SIK2: variants seen among roughly 807,000 people sequenced by gnomAD.
The protein encoded by SIK2 is serine/threonine-protein kinase SIK2.
A neutral mutation model predicts 103.2 loss-of-function variants in SIK2; 29 were observed. That is an observed-to-expected ratio of 0.28 (90% CI 0.21 to 0.38). The LOEUF (loss-of-function observed/expected upper bound fraction) is 0.38. Ranked by LOEUF, SIK2 falls within the 10% of genes least tolerant of loss-of-function variation. SIK2 has a pLI of 1.00. For missense variants in SIK2, 879 were observed against 1,171.0 expected (o/e 0.75, Z 3.64); for synonymous variants, 412 against 446.1 (o/e 0.92, Z 0.96).
Position 111,688,933 on chromosome 11 carries a change from A to G in SIK2, c.478+771A>G, listed in dbSNP as rs139120217. Among the ~76,000 whole-genome samples the G allele has an allele frequency of 3.3e-5, 5 of 152,340 alleles. No homozygotes were observed. The highest frequency in any genetic ancestry group is 1.9e-4 in the East Asian group (1 of 5,188). The stretch of plus-strand genomic sequence containing the variant: ...GAAAAAATACAGTATGATAGTTGCA[A>G]TTTTAAAAGTATATACAAACTGCAT... On this transcript the variant is annotated intron_variant, in intron 4 of 14. Transcript: ENST00000304987. This position sits in a 1 kb window ranked among gnomAD's most constrained non-coding sequence, Gnocchi z 4.2.
At position 111,602,786 on chromosome 11, in the gene SIK2, C is replaced by T; in HGVS notation, c.135+88C>T. 7.2e-7 allele frequency: 1 copy of T among 1,393,266 alleles called. No homozygotes were observed. The highest frequency in any genetic ancestry group is 9.3e-7 in the Non-Finnish European group (1 of 1,076,516). The allele number at this position is 1,393,266 out of a possible 1,614,324, so 86.3% of individuals were successfully genotyped here. A position where few individuals can be genotyped will look rare whatever the true frequency, so the allele number is the denominator to read the frequency against. ...AGAGGGGCGGCCGCAGTGGTGGGACCGGGGAGACCCGAGAGGCCGCCTCAC... is the reference window on the plus strand; with the variant it reads ...AGAGGGGCGGCCGCAGTGGTGGGACTGGGGAGACCCGAGAGGCCGCCTCAC... On this transcript the variant is annotated intron_variant, in intron 1 of 14. Transcript: ENST00000304987. The surrounding 1 kb of genome is among the most constrained non-coding windows in gnomAD (Gnocchi z 4.5).
chr11:111,613,120 C>T (rs969203706), intron 1 of SIK2, among the ~76,000 whole-genome samples: 2 of 151,808 alleles, frequency 1.3e-5, no homozygotes, highest in Admixed American at 6.6e-5. Flanking sequence ...ATATTTTTCA[C>T]TTTTTCATTG....
chr11:111,698,221 G>C (rs1024976403), intron 4 of SIK2, among the ~76,000 whole-genome samples: 2 of 152,184 alleles, frequency 1.3e-5, no homozygotes, highest in Non-Finnish European at 2.9e-5. Flanking sequence ...AGCTTTCTTT[G>C]TGCTAGATTT....
intron 3 of SIK2, among the ~76,000 whole-genome samples, chr11:111,645,780 G>A (rs746553534): frequency 4.0e-5 from 6 of 151,152 alleles, no homozygotes; most frequent in Admixed American, 1.3e-4. Flanking sequence ...ATGCCATTGC[G>A]CCCTAGCCTG....
Position 111,658,007 on chromosome 11 carries a change from G to A in SIK2, c.317-29994G>A, listed in dbSNP as rs374844820. On this transcript the variant is annotated intron_variant, in intron 3 of 14. Transcript: ENST00000304987. The stretch of plus-strand genomic sequence containing the variant: ...TCCATAGGCGTGGAAGAGCTATTAA[G>A]AATATTTAAATAAAAAATGACCTTC... Among the ~76,000 whole-genome samples the A allele has an allele frequency of 1.4e-4, 22 of 152,090 alleles. No individual in the cohort carries two copies. The East Asian group carries it at 4.0e-3, about 28-fold the overall frequency.
At chr11:111,678,238 A>G (rs2135885903) in intron 3 of SIK2, among the ~76,000 whole-genome samples, 1 of 152,266 alleles carries the variant, frequency 6.6e-6, no homozygotes, top group Middle Eastern at 3.4e-3. Context: ...TTTCCAGTTG[A>G]TCATCCCTGT....
At chr11:111,693,757 C>A (rs764723847) in intron 4 of SIK2, among the ~76,000 whole-genome samples, 5 of 152,156 alleles carry the variant, frequency 3.3e-5, no homozygotes, top group Non-Finnish European at 7.3e-5. Context: ...ATTATTTACA[C>A]TTTCTAGGCC....
chr11:111,624,192 C>A (rs1004856529), intron 3 of SIK2, among the ~76,000 whole-genome samples: 1 of 152,188 alleles, frequency 6.6e-6, no homozygotes, highest in African/African-American at 2.4e-5. Context: ...ATATGCACTT[C>A]TATAGTTTTG....
rs1183638436 is a variant in SIK2 at position 111,705,388 on chromosome 11, C to T, written c.1101+249C>T. Among the ~76,000 whole-genome samples, 2 of 152,180 alleles carry T rather than the reference C, an allele frequency of 1.3e-5. No homozygotes were observed. Among genetic ancestry groups the T allele is most frequent in the African/African-American group, 2.4e-5 (1 of 41,436 alleles). ...AATGTTGAGAATTACTATCACTAGC[C>T]TTTACATTCAATTCCATTTAACAAA... On this transcript the variant is annotated intron_variant, in intron 8 of 14. Coordinates refer to ENST00000304987, the MANE Select transcript of SIK2 (RefSeq NM_015191.3). The surrounding 1 kb of genome is among the most constrained non-coding windows in gnomAD (Gnocchi z 4.3).
At position 111,727,095 on chromosome 11, in the gene SIK2, G is replaced by T; in HGVS notation, c.*2966G>T. ...CAGCATGTTAGCCCGACAGGAAGAG[G>T]GGGCCCACTTTCACATTCCCGGTGA... On this transcript the variant is annotated 3_prime_UTR_variant, in exon 15 of 15. Coordinates refer to ENST00000304987, the MANE Select transcript of SIK2 (RefSeq NM_015191.3). 1 of 1,578,486 alleles carries T rather than the reference G, an allele frequency of 6.3e-7. No homozygotes were observed. Among genetic ancestry groups the T allele is most frequent in the Non-Finnish European group, 8.7e-7 (1 of 1,148,832 alleles).
chr11:111,610,509 CAA>C (rs1477690508), intron 1 of SIK2, among the ~76,000 whole-genome samples: 1 of 148,526 alleles, frequency 6.7e-6, no homozygotes, highest in African/African-American at 2.5e-5. Context: ...AAAAAGATAA[CAA>C]ACAGTTTGAA....
intron 9 of SIK2, among the ~76,000 whole-genome samples, chr11:111,713,545 T>C (rs1389448858): frequency 6.6e-6 from 1 of 152,190 alleles, no homozygotes; most frequent in Non-Finnish European, 1.5e-5. Context: ...TTTCCTGTCT[T>C]TTTAGCCTCT....
chr11:111,675,238 G>C (rs1324480887), intron 3 of SIK2, among the ~76,000 whole-genome samples: 2 of 152,218 alleles, frequency 1.3e-5, no homozygotes, highest in Non-Finnish European at 2.9e-5. Flanking sequence ...CATAGGAGAT[G>C]AAATCAAAGC....
chr11:111,686,194 A>C (rs1220962938), intron 3 of SIK2, among the ~76,000 whole-genome samples: 1 of 152,216 alleles, frequency 6.6e-6, no homozygotes, highest in Non-Finnish European at 1.5e-5. Context: ...TAATCCCAGC[A>C]CTTTGGGAGG....
At chr11:111,643,476 A>AAG (rs1555027119) in intron 3 of SIK2, among the ~76,000 whole-genome samples, 165 of 152,140 alleles carry the variant, frequency 1.1e-3, no homozygotes, top group African/African-American at 3.8e-3. Context: ...AAAAAAAAAA[A>AAG]GTTAATTATA....
chr11:111,671,690 G>T, intron 3 of SIK2: 1 of 384,250 alleles, frequency 2.6e-6, no homozygotes, highest in South Asian at 2.4e-5. Flanking sequence ...AGCAGCTCCT[G>T]GATCTCCTTC....
rs560377861 is a variant in SIK2 at position 111,696,887 on chromosome 11, TC to T, written c.479-3992del. On this transcript the variant is annotated intron_variant, in intron 4 of 14. Coordinates refer to ENST00000304987, the MANE Select transcript of SIK2 (RefSeq NM_015191.3). The stretch of plus-strand genomic sequence containing the variant: ...TAAATCCTGCATTTTCACATTTCAT[TC>T]CCCCCCTACTCACCTCCCACTTCAC... Among the ~76,000 whole-genome samples the T allele has an allele frequency of 1.3e-3, 199 of 152,090 alleles. 2 individuals carry two copies. The highest frequency in any genetic ancestry group is 4.6e-3 in the African/African-American group (190 of 41,510).
chr11:111,722,680 T>C lies in SIK2; in HGVS notation c.2071T>C (p.Ser691Pro). The part of the protein sequence containing the change: ...QHRLQKPSLL[S>P]KAQNTCQLYC... ...GCTCTTCCAGAAGCCCAGCCTTCTG[T>C]CAAAGGCCCAGAACACCTGTCAGCT... The change falls in exon 14 of 15, where the codon TCA becomes CCA. Residue 691 changes from serine (S) to proline (P), a missense_variant. Ser to Pro is a moderately conservative substitution (Grantham distance 74). This residue lies in a region of SIK2 where 375 missense variants were observed against 416.3 expected (regional missense o/e 0.90). Coordinates refer to ENST00000304987, the MANE Select transcript of SIK2 (RefSeq NM_015191.3). This position sits in a 1 kb window ranked among gnomAD's most constrained non-coding sequence, Gnocchi z 4.4. 1 of 1,614,004 alleles carries C rather than the reference T, an allele frequency of 6.2e-7. No homozygotes were observed. Among genetic ancestry groups the C allele is most frequent in the Middle Eastern group, 1.7e-4 (1 of 6,060 alleles).
At chr11:111,656,819 A>G (rs934770137) in intron 3 of SIK2, among the ~76,000 whole-genome samples, 2 of 152,154 alleles carry the variant, frequency 1.3e-5, no homozygotes, top group African/African-American at 2.4e-5. Context: ...CTTTTCTCAG[A>G]CCCATTTTAT....
Sources: gnomAD v4.1 joint callset for allele counts (sites outside exome capture counted in the v4.1 genomes callset) on GRCh38, gnomAD v4.1.1 for gene constraint, gnomAD v4.1.1 regional missense constraint, Gnocchi (gnomAD v3.1) non-coding constraint, MANE v1.5 for transcripts, NCBI Gene and HGNC (gene_info 2026-07-23, HGNC 2026-07-21) for gene names.